The following AKAP6 variants were observed in gnomAD, a reference collection of about 807,000 sequenced individuals.
The protein encoded by AKAP6 is A-kinase anchoring protein 6, also known as A-kinase anchor protein 6.
A neutral mutation model predicts 188.5 loss-of-function variants in AKAP6; 58 were observed. The observed-to-expected ratio is 0.31, with a 90% CI of 0.25 to 0.38. The LOEUF (loss-of-function observed/expected upper bound fraction) is 0.38, where lower values mean the gene tolerates loss of function less well. Among genes scored for constraint, AKAP6 ranks in the 10% least tolerant of loss-of-function variants. The pLI is 1.00. For missense variants in AKAP6, 2,710 were observed against 2,740.0 expected (o/e 0.99, Z 0.24); for synonymous variants, 989 against 998.6 (o/e 0.99, Z 0.18).
At chr14:32,471,860 G>T (rs888382684) in intron 2 of AKAP6, among the ~76,000 whole-genome samples, 1 of 152,144 alleles carries the variant, frequency 6.6e-6, no homozygotes, top group Non-Finnish European at 1.5e-5. Context: ...CACAGATAAC[G>T]CAGCGTGTTA....
intron 12 of AKAP6, among the ~76,000 whole-genome samples, chr14:32,794,962 C>T (rs1185247999): frequency 6.6e-6 from 1 of 151,982 alleles, no homozygotes; most frequent in Non-Finnish European, 1.5e-5. Context: ...GGCATATTAC[C>T]ACTGACCCCA....
In AKAP6 at chr14:32,657,678, T is replaced by G. The variant is rs377086496; in HGVS notation, c.2731-20633T>G. On this transcript the variant is annotated intron_variant, in intron 7 of 13. Coordinates refer to ENST00000280979, the MANE Select transcript of AKAP6 (RefSeq NM_004274.5). Reference sequence around the variant, plus strand: ...GCTTAATCAGGAAGGATATGATTACTTTTTCTGTGAGTGTACATGTTTTTA... The same window carrying G: ...GCTTAATCAGGAAGGATATGATTACGTTTTCTGTGAGTGTACATGTTTTTA... Among the ~76,000 whole-genome samples, 46 of 152,212 alleles carry G rather than the reference T, an allele frequency of 3.0e-4. No homozygotes were observed. In the East Asian group the frequency reaches 8.9e-3, roughly 29 times the overall value.
At chr14:32,444,297 A>G (rs1410381722) in intron 2 of AKAP6, among the ~76,000 whole-genome samples, 1 of 152,168 alleles carries the variant, frequency 6.6e-6, no homozygotes, top group African/African-American at 2.4e-5. Context: ...TCATCAGACC[A>G]GAGAGCAAGC....
intron 1 of AKAP6, among the ~76,000 whole-genome samples, chr14:32,350,147 G>A (rs541368197): frequency 6.6e-6 from 1 of 152,270 alleles, no homozygotes; most frequent in East Asian, 1.9e-4. Context: ...TAGACTTAGT[G>A]ACTTGCTCTC....
At chr14:32,573,724 T>C (rs1477335923) in intron 4 of AKAP6, among the ~76,000 whole-genome samples, 1 of 152,218 alleles carries the variant, frequency 6.6e-6, no homozygotes, top group Non-Finnish European at 1.5e-5. Flanking sequence ...TTCAAAATAA[T>C]TTTTAAATTT....
intron 2 of AKAP6, among the ~76,000 whole-genome samples, chr14:32,472,521 G>A (rs1340786136): frequency 6.6e-6 from 1 of 152,176 alleles, no homozygotes; most frequent in Non-Finnish European, 1.5e-5. Flanking sequence ...TCTAGGAGAG[G>A]CGATATTACA....
At chr14:32,426,269 G>A (rs764517064) in intron 1 of AKAP6, among the ~76,000 whole-genome samples, 1 of 152,110 alleles carries the variant, frequency 6.6e-6, no homozygotes, top group Non-Finnish European at 1.5e-5. Context: ...TGGTGCAGTA[G>A]GTGTGAGTAT....
At chr14:32,399,585 A>C (rs1889011695) in intron 1 of AKAP6, among the ~76,000 whole-genome samples, 1 of 152,180 alleles carries the variant, frequency 6.6e-6, no homozygotes, top group Admixed American at 6.5e-5. Context: ...CCCAAATTAT[A>C]GAACACTTTA....
At chr14:32,480,211 A>G (rs974116621) in intron 2 of AKAP6, among the ~76,000 whole-genome samples, 2 of 152,208 alleles carry the variant, frequency 1.3e-5, no homozygotes, top group African/African-American at 4.8e-5. Context: ...CCTATATCAG[A>G]TATTTAGAAG....
chr14:32,603,830 T>C (rs1238411560), intron 7 of AKAP6, among the ~76,000 whole-genome samples: 1 of 152,182 alleles, frequency 6.6e-6, no homozygotes, highest in Non-Finnish European at 1.5e-5. Flanking sequence ...TTGGAAATAC[T>C]GGAGGATACC....
intron 8 of AKAP6, among the ~76,000 whole-genome samples, chr14:32,679,883 G>A (rs551068793): frequency 6.6e-6 from 1 of 152,170 alleles, no homozygotes; most frequent in African/African-American, 2.4e-5. Context: ...GAAAGAAAAG[G>A]TTAAATCTTG....
chr14:32,600,223 C>T (rs1196059042), intron 6 of AKAP6, among the ~76,000 whole-genome samples: 1 of 152,142 alleles, frequency 6.6e-6, no homozygotes, highest in Non-Finnish European at 1.5e-5. Flanking sequence ...TACTGTATTT[C>T]TCATTGAATT....
At chr14:32,736,765 G>A (rs1346243567) in intron 11 of AKAP6, among the ~76,000 whole-genome samples, 1 of 149,208 alleles carries the variant, frequency 6.7e-6, no homozygotes, top group Non-Finnish European at 1.5e-5. Context: ...ATCCCACCTT[G>A]CCTGCAATCA....
intron 4 of AKAP6, among the ~76,000 whole-genome samples, chr14:32,567,317 C>T (rs1884240232): frequency 6.6e-6 from 1 of 152,192 alleles, no homozygotes; most frequent in Admixed American, 6.5e-5. Context: ...TGGGTCTGTG[C>T]TTCTAATCTC....
intron 1 of AKAP6, among the ~76,000 whole-genome samples, chr14:32,355,531 C>T (rs985746216): frequency 9.2e-5 from 14 of 151,840 alleles, no homozygotes; most frequent in Non-Finnish European, 1.9e-4. Context: ...CATAGAATTA[C>T]AAAAAAATCA....
intron 2 of AKAP6, among the ~76,000 whole-genome samples, chr14:32,524,376 G>A (rs1439497236): frequency 1.3e-5 from 2 of 151,988 alleles, no homozygotes; most frequent in East Asian, 1.9e-4. Flanking sequence ...TGGCCTGGGT[G>A]GTTGTTACAA....
intron 4 of AKAP6, among the ~76,000 whole-genome samples, chr14:32,549,877 A>G (rs769467667): frequency 2.0e-5 from 3 of 152,222 alleles, no homozygotes; most frequent in Non-Finnish European, 4.4e-5. Flanking sequence ...TTAATTGGCA[A>G]TAACAGAAAG....
At chr14:32,488,688 G>T (rs1303720820) in intron 2 of AKAP6, among the ~76,000 whole-genome samples, 1 of 152,056 alleles carries the variant, frequency 6.6e-6, no homozygotes, top group Admixed American at 6.5e-5. Context: ...CTCCTGGTCT[G>T]CAGGTTGCAA....
At chr14:32,368,177 G>T (rs942100959) in intron 1 of AKAP6, among the ~76,000 whole-genome samples, 7 of 152,034 alleles carry the variant, frequency 4.6e-5, no homozygotes, top group Non-Finnish European at 8.8e-5. Context: ...TCTCTGAGGA[G>T]GCAGGAGCTT....
Sources: allele counts gnomAD v4.1 joint callset (sites outside exome capture counted in the v4.1 genomes callset), GRCh38; gene constraint gnomAD v4.1.1; transcripts MANE v1.5; gene names NCBI Gene and HGNC (gene_info 2026-07-23, HGNC 2026-07-21).